Variants in PEG3 observed in about 807,000 individuals in gnomAD.
PEG3 encodes paternally-expressed gene 3 protein.
Under a neutral mutation model 35.5 loss-of-function variants are expected in PEG3, and 23 were observed. The ratio of observed to expected loss-of-function variants is 0.65; its 90% CI spans 0.47 to 0.92. The LOEUF (loss-of-function observed/expected upper bound fraction) is 0.92, where lower values mean the gene tolerates loss of function less well. PEG3 is among the 40% of genes least tolerant of loss of function. The pLI, the probability that PEG3 is intolerant of heterozygous loss-of-function variation, is 0.00. For missense variants in PEG3, 1,960 were observed against 1,985.3 expected (o/e 0.99, Z 0.24); for synonymous variants, 707 against 697.0 (o/e 1.01, Z -0.23).
intron 2 of PEG3, chr19:56,833,346 T>G: frequency 2.7e-6 from 1 of 369,454 alleles, no homozygotes; most frequent in Non-Finnish European, 5.3e-6. Context: ...AGGAGGTTAC[T>G]CTCTTCGTCT....
intron 1 of PEG3, among the ~76,000 whole-genome samples, chr19:56,836,632 G>T (rs1253349543): frequency 2.0e-5 from 3 of 152,148 alleles, no homozygotes; most frequent in Non-Finnish European, 4.4e-5. Context: ...TATATTCCAA[G>T]AGTCAGGTGG....
At position 56,814,878 on chromosome 19, in the gene PEG3, G is replaced by A. The variant is rs1342385271; in HGVS notation, c.3564C>T (p.Asp1188=). Residue 1188 remains aspartate (D), a synonymous_variant, in exon 10 of 10, where the codon GAC becomes GAT. Coordinates refer to ENST00000326441, the MANE Select transcript of PEG3 (RefSeq NM_006210.3). This position sits in a 1 kb window ranked among gnomAD's most constrained non-coding sequence, Gnocchi z 5.8. ...CACACCCCTTCATGGAATACAACTG[G>A]TCTTGTTCATGGATTCTCTGATGCT... The part of the protein sequence containing the change: ...LFEHQRIHEQ[D]QLYSMKGCDD... The A allele has an allele frequency of 6.2e-7, 1 of 1,614,132 alleles. No individual in the cohort carries two copies. Among genetic ancestry groups the A allele is most frequent in the Non-Finnish European group, 8.5e-7 (1 of 1,180,038 alleles).
intron 7 of PEG3, among the ~76,000 whole-genome samples, chr19:56,819,493 CA>C (rs1324060436): frequency 2.0e-5 from 3 of 152,182 alleles, no homozygotes; most frequent in Non-Finnish European, 4.4e-5. Context: ...TTCAGGGAGT[CA>C]TGGTCCCAGG....
chr19:56,823,232 A>C (rs2060673108), intron 5 of PEG3, among the ~76,000 whole-genome samples: 1 of 152,160 alleles, frequency 6.6e-6, no homozygotes, highest in African/African-American at 2.4e-5. Context: ...AAACCCAAGA[A>C]AACAACACAC....
Position 56,813,050 on chromosome 19 carries a change from C to T in PEG3, c.*625G>A. 6 of 985,400 alleles carry T rather than the reference C, an allele frequency of 6.1e-6. No individual in the cohort carries two copies. Among genetic ancestry groups the T allele is most frequent in the Non-Finnish European group, 7.2e-6 (6 of 829,670 alleles). The allele number at this position is 985,400 out of a possible 1,614,324, so 61.0% of individuals were successfully genotyped here. A position where few individuals can be genotyped will look rare whatever the true frequency, so the allele number is the denominator to read the frequency against. On this transcript the variant is annotated 3_prime_UTR_variant, in exon 10 of 10. Transcript: ENST00000326441. ...AAGGAGTAAAAGCCATGTTATCTATCATGCCTACAGCTTCACAAGACTATT... is the reference window on the plus strand; with the variant it reads ...AAGGAGTAAAAGCCATGTTATCTATTATGCCTACAGCTTCACAAGACTATT...
Position 56,815,930 on chromosome 19 carries a change from A to G in PEG3, c.2512T>C (p.Leu838=). 1 of 1,606,844 alleles carries G rather than the reference A, an allele frequency of 6.2e-7. No homozygotes were observed. The highest frequency in any genetic ancestry group is 1.1e-5 in the South Asian group (1 of 89,640). Reference sequence around the variant, plus strand: ...CTTCTTGGAGGTTTGGAAGCCACTAAGCTATGGATAACAGACCTACTGTAT... The same window carrying G: ...CTTCTTGGAGGTTTGGAAGCCACTAGGCTATGGATAACAGACCTACTGTAT... The part of the protein sequence containing the change: ...REYSRSVIHS[L]VASKPPRSHN... Residue 838 remains leucine, a synonymous_variant, in exon 10 of 10, where the codon TTA becomes CTA. Transcript: ENST00000326441.
In PEG3 at chr19:56,810,477, A is replaced by G; in HGVS notation, c.*3198T>C. The stretch of plus-strand genomic sequence containing the variant: ...CACCCTAATAATCACAGACTAGTGC[A>G]CAGATCAAGATGTTAACAGTTAATT... On this transcript the variant is annotated 3_prime_UTR_variant, in exon 10 of 10. Transcript: ENST00000326441. The G allele has an allele frequency of 2.0e-6, 2 of 985,066 alleles. No individual in the cohort carries two copies. Among genetic ancestry groups the G allele is most frequent in the Non-Finnish European group, 2.4e-6 (2 of 829,582 alleles). 61.0% of individuals were successfully genotyped at this position (985,066 alleles called of 1,614,324 possible).
chr19:56,813,201 CAAA>C lies in PEG3; in HGVS notation c.*471_*473del, dbSNP rs35563894. On this transcript the variant is annotated 3_prime_UTR_variant, in exon 10 of 10. Transcript: ENST00000326441. ...CAAATTTGTTGCTCTCTTCCTCCTCCAAAAAAAAAAAAAATTCAAAGAATACCA... is the reference window on the plus strand; with the variant it reads ...CAAATTTGTTGCTCTCTTCCTCCTCCAAAAAAAAAAATTCAAAGAATACCA... 214 of 854,176 alleles carry C rather than the reference CAAA, an allele frequency of 2.5e-4. No individual in the cohort carries two copies. Among genetic ancestry groups the C allele is most frequent in the Non-Finnish European group, 2.8e-4 (197 of 713,352 alleles). 52.9% of individuals were successfully genotyped at this position (854,176 alleles called of 1,614,324 possible). A position where few individuals can be genotyped will look rare whatever the true frequency, so the allele number is the denominator to read the frequency against.
At position 56,818,609 on chromosome 19, in the gene PEG3, G is replaced by A; in HGVS notation, c.763C>T (p.Leu255Phe). 1 of 1,614,142 alleles carries A rather than the reference G, an allele frequency of 6.2e-7. No homozygotes were observed. The highest frequency in any genetic ancestry group is 8.5e-7 in the Non-Finnish European group (1 of 1,180,034). ...QDNMENYRKL[L>F]SLVQLAEDDG... ...AGAAGCAGCTGCTTACCGAGGGAGA[G>A]CAGCTTCCTGTAGTTTTCCATGTTG... is the stretch of plus-strand genomic sequence containing the variant. The change falls in exon 8 of 10, where the codon CTC (leucine) becomes TTC (phenylalanine). Residue 255 changes from leucine to phenylalanine, a missense_variant. By Grantham distance (22) the Leu-to-Phe change is conservative (BLOSUM62 0). This residue lies in a region of PEG3 where 613 missense variants were observed against 577.1 expected (regional missense o/e 1.06). Transcript: ENST00000326441.
At chr19:56,827,296 T>A (rs2061135645) in intron 2 of PEG3, among the ~76,000 whole-genome samples, 1 of 152,146 alleles carries the variant, frequency 6.6e-6, no homozygotes, top group Non-Finnish European at 1.5e-5. Context: ...AAATTCAGGA[T>A]TAAACATACA....
intron 2 of PEG3, chr19:56,833,527 C>CATCCAA (rs1443040259): frequency 1.6e-5 from 4 of 255,388 alleles, no homozygotes; most frequent in African/African-American, 8.9e-5. Flanking sequence ...AGTGTCCCTT[C>CATCCAA]ATCCAAATTC....
chr19:56,840,007 CA>C (rs1022175094), intron 1 of PEG3, among the ~76,000 whole-genome samples: 9 of 152,234 alleles, frequency 5.9e-5, no homozygotes, highest in Non-Finnish European at 2.9e-5. Flanking sequence ...TCGCCCCTCC[CA>C]CCACCACTGC....
At chr19:56,830,093 T>C (rs923564957) in intron 2 of PEG3, among the ~76,000 whole-genome samples, 4 of 152,218 alleles carry the variant, frequency 2.6e-5, no homozygotes, top group Non-Finnish European at 4.4e-5. Flanking sequence ...TGCTTGAAGA[T>C]GTATGAATCC....
At position 56,812,887 on chromosome 19, in the gene PEG3, CAT is replaced by C. The variant is rs371983685; in HGVS notation, c.*786_*787del. On this transcript the variant is annotated 3_prime_UTR_variant, in exon 10 of 10. Coordinates refer to ENST00000326441, the MANE Select transcript of PEG3 (RefSeq NM_006210.3). ...ATGAGAACCACTTCAACAAACATAA[CAT>C]GTGGCAACCAATCAATCTGGGTCAC... is the stretch of plus-strand genomic sequence containing the variant. The C allele has an allele frequency of 1.6e-4, 158 of 983,600 alleles. 1 individual carries two copies. In the East Asian group the frequency reaches 0.016, roughly 97 times the overall value. The allele number at this position is 983,600 out of a possible 1,614,324, so 60.9% of individuals were successfully genotyped here. A position where few individuals can be genotyped will look rare whatever the true frequency, so the allele number is the denominator to read the frequency against.
chr19:56,822,704 A>G (rs775584608), intron 6 of PEG3, 49 bp downstream of exon 6: 2 of 1,606,088 alleles, frequency 1.2e-6, no homozygotes, highest in Non-Finnish European at 1.7e-6. Context: ...ACCTGTGCAC[A>G]GCACATGCTC....
rs759097067 is a variant in PEG3, at chr19:56,814,124, T to C, written c.4318A>G (p.Asn1440Asp). ...AEPIGEAGQP[N>D]GEAEQPNGDA... Reference sequence around the variant, plus strand: ...CCATTTGGCTGCTCGGCCTCTCCATTTGGCTGTCCAGCCTCTCCAATGGGC... The same window carrying C: ...CCATTTGGCTGCTCGGCCTCTCCATCTGGCTGTCCAGCCTCTCCAATGGGC... Residue 1440 changes from asparagine (N) to aspartate (D), a missense_variant, in exon 10 of 10, where the codon AAT becomes GAT. Asn to Asp is a conservative substitution (Grantham distance 23). Transcript: ENST00000326441. The surrounding 1 kb of genome is among the most constrained non-coding windows in gnomAD (Gnocchi z 5.8). The C allele has an allele frequency of 6.8e-6, 11 of 1,614,026 alleles. No individual in the cohort carries two copies. The highest frequency in any genetic ancestry group is 2.2e-5 in the East Asian group (1 of 44,878).
intron 2 of PEG3, among the ~76,000 whole-genome samples, chr19:56,832,105 AAT>A (rs2061624418): frequency 6.6e-6 from 1 of 152,380 alleles, no homozygotes; most frequent in South Asian, 2.1e-4. Context: ...AATGATTAAT[AAT>A]AACAAGTCTC....
At chr19:56,831,068 T>C (rs2061527598) in intron 2 of PEG3, among the ~76,000 whole-genome samples, 1 of 152,228 alleles carries the variant, frequency 6.6e-6, no homozygotes, top group African/African-American at 2.4e-5. Flanking sequence ...TTTGACAAAC[T>C]GATAATCCAG....
intron 1 of PEG3, among the ~76,000 whole-genome samples, chr19:56,837,359 G>C (rs1472623534): frequency 6.6e-6 from 1 of 152,082 alleles, no homozygotes; most frequent in Non-Finnish European, 1.5e-5. Context: ...GTACGATTTT[G>C]AGTGAAAATC....
Sources: allele counts gnomAD v4.1 joint callset (sites outside exome capture counted in the v4.1 genomes callset), GRCh38; gene constraint gnomAD v4.1.1; regional missense constraint gnomAD v4.1.1; non-coding constraint Gnocchi (gnomAD v3.1); transcripts MANE v1.5; gene names NCBI Gene and HGNC (gene_info 2026-07-23, HGNC 2026-07-21).